The following STAM2 variants were observed in gnomAD, a reference collection of about 807,000 sequenced individuals.
The protein encoded by STAM2 is signal transducing adapter molecule 2.
STAM2 carries 51 observed loss-of-function variants against 65.6 expected under a neutral mutation model. The observed-to-expected ratio is 0.78, with a 90% CI of 0.62 to 0.98. The LOEUF (loss-of-function observed/expected upper bound fraction) is 0.98, where lower values mean the gene tolerates loss of function less well. Ranked by LOEUF, STAM2 falls within the 50% of genes least tolerant of loss-of-function variation. The pLI is 0.00. For missense variants in STAM2, 584 were observed against 617.8 expected (o/e 0.95, Z 0.58); for synonymous variants, 198 against 208.4 (o/e 0.95, Z 0.43).
chr2:152,163,470 G>A (rs1689721205), intron 1 of STAM2, among the ~76,000 whole-genome samples: 1 of 57,164 alleles, frequency 1.7e-5, no homozygotes, highest in African/African-American at 6.8e-5. Flanking sequence ...GATTGTAAAA[G>A]ACGTGTGTTT....
chr2:152,156,273 C>A (rs756653909), intron 1 of STAM2, among the ~76,000 whole-genome samples: 27 of 152,136 alleles, frequency 1.8e-4, no homozygotes, highest in Non-Finnish European at 3.5e-4. Flanking sequence ...CACAATTACT[C>A]TTTTTAAAAA....
rs1430290250 is a variant in STAM2, at chr2:152,148,289, C to G, written c.137G>C (p.Cys46Ser). 18 of 1,602,502 alleles carry G rather than the reference C, an allele frequency of 1.1e-5. No individual in the cohort carries two copies. The highest frequency in any genetic ancestry group is 1.5e-5 in the Non-Finnish European group (18 of 1,175,846). ...VGSTPNGAKD[C>S]LKAIMKRVNH... is the part of the protein sequence containing the mutation. ...TACCCTTTTCATTATGGCTTTTAGG[C>G]AATCTTTCGCTCTAAAAAAAAAAAG... Residue 46 changes from cysteine to serine, a missense_variant, in exon 3 of 14, where the codon TGC becomes TCC. Transcript: ENST00000263904.
intron 8 of STAM2, among the ~76,000 whole-genome samples, chr2:152,135,081 T>C (rs956517309): frequency 6.6e-6 from 1 of 152,152 alleles, no homozygotes; most frequent in Non-Finnish European, 1.5e-5. Context: ...AATTTAGGAG[T>C]ACTCCTAACC....
At chr2:152,139,930 A>C (rs947649589) in intron 7 of STAM2, among the ~76,000 whole-genome samples, 5 of 152,236 alleles carry the variant, frequency 3.3e-5, no homozygotes, top group Middle Eastern at 3.2e-3. Flanking sequence ...AGGTACTATA[A>C]GTTATCTAGA....
intron 1 of STAM2, among the ~76,000 whole-genome samples, chr2:152,174,712 A>C (rs1448340164): frequency 6.6e-6 from 1 of 152,158 alleles, no homozygotes; most frequent in Non-Finnish European, 1.5e-5. Flanking sequence ...AACAAAAAAC[A>C]AACCTGTAGT....
At chr2:152,173,436 C>T (rs1340210548) in intron 1 of STAM2, among the ~76,000 whole-genome samples, 6 of 118,464 alleles carry the variant, frequency 5.1e-5, no homozygotes, top group African/African-American at 1.5e-4. Context: ...CTTGCTCTGT[C>T]GCCAGGCTGG....
chr2:152,141,717 A>G lies in STAM2; in HGVS notation c.704+2110T>C, dbSNP rs111315408. On this transcript the variant is annotated intron_variant, in intron 7 of 13. Transcript: ENST00000263904. ...GCGATTCTCCTGCCTCAGCCTCCCA[A>G]GTAGCTGGGACTACAGGCGTGCGCC... 6.4e-3 allele frequency among the ~76,000 whole-genome samples: 977 copies of G among 151,564 alleles called. 12 individuals carry two copies. The highest frequency in any genetic ancestry group is 0.022 in the African/African-American group (925 of 41,352).
intron 7 of STAM2, among the ~76,000 whole-genome samples, chr2:152,142,310 TTATA>T (rs1689263456): frequency 6.6e-6 from 1 of 152,248 alleles, no homozygotes; most frequent in Admixed American, 6.5e-5. Flanking sequence ...GAAAATTTTG[TTATA>T]TAAAGTAATG....
intron 1 of STAM2, among the ~76,000 whole-genome samples, chr2:152,159,352 C>A (rs968679781): frequency 7.3e-5 from 11 of 151,500 alleles, no homozygotes; most frequent in East Asian, 1.9e-4. Context: ...AAGAAAAAAA[C>A]CAGAAAATGA....
At chr2:152,120,854 G>A (rs759945692) in intron 13 of STAM2, 52 bp from the exon 14 acceptor site, 1 of 1,403,062 alleles carries the variant, frequency 7.1e-7, no homozygotes, top group East Asian at 2.3e-5. Context: ...AATATATAAG[G>A]TTAGAGATCA....
intron 1 of STAM2, among the ~76,000 whole-genome samples, chr2:152,173,923 T>C (rs1689957028): frequency 6.6e-6 from 1 of 152,182 alleles, no homozygotes; most frequent in African/African-American, 2.4e-5. Context: ...CTTAAGCTAA[T>C]ATGTAACTAC....
Position 152,175,610 on chromosome 2 carries a change from T to C in STAM2, c.33A>G (p.Gln11=). ...ACCGGGCACAGCACTCACCCACGTC[T>C]TGCTCGAAGGGGTTGGCGGTGAACA... MPLFTANPFE[Q]DVEKATNEYN... The change falls in exon 1 of 14, where the codon CAA becomes CAG. Residue 11 remains glutamine, a synonymous_variant. Coordinates refer to ENST00000263904, the MANE Select transcript of STAM2 (RefSeq NM_005843.6). 1.9e-6 allele frequency: 3 copies of C among 1,613,962 alleles called. No individual in the cohort carries two copies. Among genetic ancestry groups the C allele is most frequent in the Non-Finnish European group, 2.5e-6 (3 of 1,179,950 alleles).
Position 152,120,600 on chromosome 2 carries a change from T to C in STAM2, c.1552A>G (p.Asn518Asp), listed in dbSNP as rs775117318. ...PAHPVAQQHT[N>D]YHQQPLL ...TAAAGGAGAGGCTGCTGATGGTAAT[T>C]TGTGTGCTGCTGTGCAACTGGATGA... Residue 518 changes from asparagine (N) to aspartate (D), a missense_variant, in exon 14 of 14, where the codon AAT becomes GAT. Asn to Asp is a conservative substitution (Grantham distance 23, BLOSUM62 1). Transcript: ENST00000263904. 4 of 1,614,074 alleles carry C rather than the reference T, an allele frequency of 2.5e-6. No individual in the cohort carries two copies. The highest frequency in any genetic ancestry group is 2.2e-5 in the South Asian group (2 of 91,080).
In STAM2 at chr2:152,154,485, G is replaced by A. The variant is rs1047395728; in HGVS notation, c.41-4256C>T. ...ACAAAAAAGTTAGCTGGGCGTGGTG[G>A]CACGCGCCTGTAGTCCCAGCTACTT... is the stretch of plus-strand genomic sequence containing the variant. On this transcript the variant is annotated intron_variant, in intron 1 of 13. Coordinates refer to ENST00000263904, the MANE Select transcript of STAM2 (RefSeq NM_005843.6). Among the ~76,000 whole-genome samples the A allele has an allele frequency of 5.9e-5, 9 of 152,302 alleles. No individual in the cohort carries two copies. The South Asian group carries it at 6.2e-4, about 11-fold the overall frequency.
At chr2:152,126,184 G>T (rs1227675287) in intron 12 of STAM2, 42 bp downstream of exon 12, 7 of 1,502,386 alleles carry the variant, frequency 4.7e-6, no homozygotes, top group South Asian at 1.4e-5. Context: ...ACTTTTAAAA[G>T]TTGTTTATAA....
chr2:152,164,405 G>A (rs1005623340), intron 1 of STAM2, among the ~76,000 whole-genome samples: 3 of 150,376 alleles, frequency 2.0e-5, no homozygotes, highest in South Asian at 2.1e-4. Context: ...GCAATGGCAC[G>A]ATCTTGGCTC....
chr2:152,163,160 A>G (rs1045788403), intron 1 of STAM2, among the ~76,000 whole-genome samples: 1 of 152,240 alleles, frequency 6.6e-6, no homozygotes, highest in East Asian at 1.9e-4. Flanking sequence ...TGTTGCAAGA[A>G]GTCAGGGACC....
intron 2 of STAM2, among the ~76,000 whole-genome samples, chr2:152,148,774 A>G (rs1311043164): frequency 1.3e-5 from 2 of 152,194 alleles, no homozygotes; most frequent in Admixed American, 6.5e-5. Flanking sequence ...ATAGGCTCAT[A>G]GAACTTTAAA....
intron 13 of STAM2, among the ~76,000 whole-genome samples, chr2:152,121,819 C>T (rs998969320): frequency 2.6e-5 from 4 of 151,756 alleles, no homozygotes; most frequent in African/African-American, 4.8e-5. Context: ...CCGAGGAGGG[C>T]GGATCACGAG....
Sources: gnomAD v4.1 joint callset for allele counts (sites outside exome capture counted in the v4.1 genomes callset) on GRCh38, gnomAD v4.1.1 for gene constraint, MANE v1.5 for transcripts, NCBI Gene and HGNC (gene_info 2026-07-23, HGNC 2026-07-21) for gene names.